Variants in RB1 observed in about 807,000 individuals in gnomAD.
The protein encoded by RB1 is retinoblastoma-associated protein.
A neutral mutation model predicts 135.4 loss-of-function variants in RB1; 18 were observed. That is an observed-to-expected ratio of 0.13 (90% CI 0.09 to 0.20). The LOEUF is 0.20. Among genes scored for constraint, RB1 ranks in the 10% least tolerant of loss-of-function variants. RB1 has a pLI of 1.00. For synonymous variants in RB1, 365 were observed against 373.2 expected, an observed-to-expected ratio of 0.98 and a Z score of 0.25; for missense variants, 868 against 1,110.0, an observed-to-expected ratio of 0.78 and a Z score of 3.10.
chr13:48,376,833 A>T, intron 12 of RB1, 85 bp from the exon 13 acceptor site: 1 of 1,590,542 alleles, frequency 6.3e-7, no homozygotes, highest in Non-Finnish European at 8.6e-7. Context: ...TGAACAATTT[A>T]AAAAGTCATA....
chr13:48,400,731 A>T (rs568249651), intron 17 of RB1, among the ~76,000 whole-genome samples: 28 of 152,272 alleles, frequency 1.8e-4, no homozygotes, highest in African/African-American at 6.3e-4. Context: ...TATGTAAAAT[A>T]GGGATAACTT....
intron 17 of RB1, among the ~76,000 whole-genome samples, chr13:48,429,818 A>G: frequency 6.6e-6 from 1 of 152,206 alleles, no homozygotes; most frequent in East Asian, 1.9e-4. Context: ...CAGCAATAAC[A>G]AATAGTACAA....
At chr13:48,377,113 C>T in intron 13 of RB1, 79 bp downstream of exon 13, 1 of 1,381,612 alleles carries the variant, frequency 7.2e-7, no homozygotes, top group Non-Finnish European at 1.0e-6. Context: ...CGTATAAATA[C>T]TCTAACAGTA....
chr13:48,379,957 TAAAAAAAA>T lies in RB1; in HGVS notation c.1390-77_1390-70del, dbSNP rs35427721. On this transcript the variant is annotated intron_variant, in intron 14 of 26. Coordinates refer to ENST00000267163, the MANE Select transcript of RB1 (RefSeq NM_000321.3). ...CCTGGCAACAGAGCAAGACACCATCTAAAAAAAAAAAAAAAAAAAAAAAAAATTCAATG... is the reference window on the plus strand; with the variant it reads ...CCTGGCAACAGAGCAAGACACCATCTAAAAAAAAAAAAAAAAAATTCAATG... The T allele has an allele frequency of 3.2e-5, 12 of 369,280 alleles. No individual in the cohort carries two copies. The African/African-American group carries it at 5.2e-4, about 16-fold the overall frequency. The allele number at this position is 369,280 out of a possible 1,614,324, so 22.9% of individuals were successfully genotyped here. A position where few individuals can be genotyped will look rare whatever the true frequency, so the allele number is the denominator to read the frequency against.
intron 17 of RB1, among the ~76,000 whole-genome samples, chr13:48,396,157 A>C (rs1948646272): frequency 6.6e-6 from 1 of 152,216 alleles, no homozygotes; most frequent in South Asian, 2.1e-4. Flanking sequence ...TTTAAATTTT[A>C]TATAGAACCT....
intron 9 of RB1, among the ~76,000 whole-genome samples, chr13:48,366,232 A>G (rs1952696317): frequency 6.6e-6 from 1 of 152,182 alleles, no homozygotes; most frequent in African/African-American, 2.4e-5. Context: ...TGTTGTAGCA[A>G]TCTTTTTTTC....
At chr13:48,351,754 A>C (rs1334526022) in intron 6 of RB1, among the ~76,000 whole-genome samples, 1 of 151,642 alleles carries the variant, frequency 6.6e-6, no homozygotes, top group African/African-American at 2.4e-5. Context: ...GCTCACTGCA[A>C]CCTCTGCCTC....
intron 6 of RB1, among the ~76,000 whole-genome samples, chr13:48,358,494 A>T (rs983529627): frequency 6.6e-6 from 1 of 152,150 alleles, no homozygotes; most frequent in Admixed American, 6.6e-5. Flanking sequence ...GAGAAAGTAG[A>T]TAATTCAACT....
chr13:48,441,712 G>C (rs1949238626), intron 17 of RB1, among the ~76,000 whole-genome samples: 1 of 152,110 alleles, frequency 6.6e-6, no homozygotes. Flanking sequence ...TTTAGCACTA[G>C]GAATAGGTTA....
intron 17 of RB1, among the ~76,000 whole-genome samples, chr13:48,386,815 A>G (rs1398495911): frequency 1.3e-5 from 2 of 152,226 alleles, no homozygotes; most frequent in African/African-American, 2.4e-5. Context: ...AGAAGTACAT[A>G]ATTCAGTGAA....
At chr13:48,442,330 A>G (rs982826763) in intron 17 of RB1, among the ~76,000 whole-genome samples, 1 of 152,080 alleles carries the variant, frequency 6.6e-6, no homozygotes, top group African/African-American at 2.4e-5. Context: ...CCTCCCGAGT[A>G]GCTGGGACTA....
At chr13:48,405,617 C>T (rs1566208223) in intron 17 of RB1, among the ~76,000 whole-genome samples, 1 of 152,130 alleles carries the variant, frequency 6.6e-6, no homozygotes, top group Non-Finnish European at 1.5e-5. Flanking sequence ...AAGTTGCAGC[C>T]AGAAAGTAGA....
At chr13:48,337,438 C>CTT (rs1450850685) in intron 2 of RB1, among the ~76,000 whole-genome samples, 4 of 152,158 alleles carry the variant, frequency 2.6e-5, no homozygotes, top group African/African-American at 9.7e-5. Flanking sequence ...ATGTAATGGC[C>CTT]TTCTTTGTCT....
intron 9 of RB1, among the ~76,000 whole-genome samples, chr13:48,365,319 A>G (rs1952683933): frequency 6.6e-6 from 1 of 152,202 alleles, no homozygotes; most frequent in Non-Finnish European, 1.5e-5. Context: ...AGCCTCATTA[A>G]GCGTAGGAAC....
At chr13:48,447,477 C>T (rs967826058) in intron 17 of RB1, among the ~76,000 whole-genome samples, 1 of 152,004 alleles carries the variant, frequency 6.6e-6, no homozygotes, top group Non-Finnish European at 1.5e-5. Flanking sequence ...ATAGAGTGTT[C>T]TTTGTATAAT....
At chr13:48,347,206 G>GA (rs1423345124) in intron 4 of RB1, among the ~76,000 whole-genome samples, 2 of 151,932 alleles carry the variant, frequency 1.3e-5, no homozygotes, top group Non-Finnish European at 2.9e-5. Context: ...TTTGGTCAGA[G>GA]AAAAAACCAT....
intron 2 of RB1, among the ~76,000 whole-genome samples, chr13:48,332,607 AGT>A (rs1952347354): frequency 6.6e-6 from 1 of 152,184 alleles, no homozygotes; most frequent in Non-Finnish European, 1.5e-5. Context: ...AAAAAGTAGT[AGT>A]TCTGGACACT....
intron 2 of RB1, among the ~76,000 whole-genome samples, chr13:48,329,661 A>G (rs559388977): frequency 2.6e-5 from 4 of 152,280 alleles, no homozygotes; most frequent in African/African-American, 9.6e-5. Context: ...TCTTATTCCA[A>G]TGCCAACTCA....
intron 2 of RB1, among the ~76,000 whole-genome samples, chr13:48,335,624 G>A (rs1458708026): frequency 6.6e-6 from 1 of 150,510 alleles, no homozygotes; most frequent in Non-Finnish European, 1.5e-5. Context: ...CAAAGTGCTT[G>A]TTCTTTGCCC....
Sources: gnomAD v4.1 joint callset for allele counts (sites outside exome capture counted in the v4.1 genomes callset) on GRCh38, gnomAD v4.1.1 for gene constraint, MANE v1.5 for transcripts, NCBI Gene and HGNC (gene_info 2026-07-23, HGNC 2026-07-21) for gene names.